The following NEDD4 variants were observed in gnomAD, a reference collection of about 807,000 sequenced individuals.
The protein encoded by NEDD4 is E3 ubiquitin-protein ligase NEDD4.
A neutral mutation model predicts 144.9 loss-of-function variants in NEDD4; 99 were observed. That is an observed-to-expected ratio of 0.68 (90% confidence interval 0.58 to 0.81). The LOEUF is 0.81. Among genes scored for constraint, NEDD4 ranks in the 30% least tolerant of loss-of-function variants. The probability of loss-of-function intolerance (pLI) is 0.00; values close to 1 mark genes in which losing one functional copy is unlikely to be tolerated. For synonymous variants in NEDD4, 318 were observed against 350.6 expected (o/e 0.91, Z 1.04); for missense variants, 985 against 1,065.9 (o/e 0.92, Z 1.06).
chr15:55,855,023 G>A (rs2034136146), intron 12 of NEDD4, among the ~76,000 whole-genome samples: 1 of 152,276 alleles, frequency 6.6e-6, no homozygotes, highest in African/African-American at 2.4e-5. Flanking sequence ...GAGGAGGCTG[G>A]ACAGATGACA....
rs370903517 is a variant in NEDD4, at chr15:55,951,548, C to G, written c.161G>C (p.Gly54Ala). The stretch of plus-strand genomic sequence containing the variant: ...TTTTGTTTGCACACTTGTAAGAACT[C>G]CATTCATTGGGTCATATAACGTCAC... ...VRVTLYDPMN[G>A]VLTSVQTKTI... The change falls in exon 3 of 29, where the codon GGA (glycine) becomes GCA (alanine). Residue 54 changes from glycine to alanine, a missense_variant. Transcript: ENST00000435532. 5.9e-6 allele frequency: 9 copies of G among 1,529,440 alleles called. No homozygotes were observed. In the African/African-American group the frequency reaches 1.3e-4, roughly 21 times the overall value. The allele number at this position is 1,529,440 out of a possible 1,614,324, so 94.7% of individuals were successfully genotyped here. A position where few individuals can be genotyped will look rare whatever the true frequency, so the allele number is the denominator to read the frequency against.
rs1456294485 is a variant in NEDD4 at position 55,970,532 on chromosome 15, C to A, written c.46-3986G>T. Among the ~76,000 whole-genome samples the A allele has an allele frequency of 2.0e-5, 3 of 152,204 alleles. No homozygotes were observed. The South Asian group carries it at 6.2e-4, about 31-fold the overall frequency. ...TGATGGTGGCCACAGGATTGTGTCA[C>A]CCTTCTGCCAACTCCAGGCAGCTCA... is the stretch of plus-strand genomic sequence containing the variant. On this transcript the variant is annotated intron_variant, in intron 1 of 28. Coordinates refer to ENST00000435532, the MANE Select transcript of NEDD4 (RefSeq NM_006154.4).
At chr15:55,984,315 C>A (rs2037855033) in intron 1 of NEDD4, among the ~76,000 whole-genome samples, 1 of 152,168 alleles carries the variant, frequency 6.6e-6, no homozygotes. Flanking sequence ...ATGAATATAA[C>A]ACTTCTCCCT....
At chr15:55,925,774 C>T (rs945511792) in intron 4 of NEDD4, among the ~76,000 whole-genome samples, 22 of 152,156 alleles carry the variant, frequency 1.4e-4, no homozygotes, top group African/African-American at 2.7e-4. Flanking sequence ...GTTTTACCTA[C>T]AGCCACGTTC....
intron 5 of NEDD4, among the ~76,000 whole-genome samples, chr15:55,899,640 C>T (rs2035849552): frequency 1.3e-5 from 2 of 152,154 alleles, no homozygotes; most frequent in African/African-American, 4.8e-5. Context: ...CAGCTTTAGG[C>T]GTTTTCCTCA....
intron 1 of NEDD4, among the ~76,000 whole-genome samples, chr15:55,985,857 T>C (rs1374407788): frequency 1.3e-5 from 2 of 152,084 alleles, no homozygotes; most frequent in African/African-American, 4.8e-5. Context: ...ACCCAAATTG[T>C]AGCATGTAAA....
chr15:55,916,772 T>C, intron 5 of NEDD4: 2 of 1,613,768 alleles, frequency 1.2e-6, no homozygotes, highest in Non-Finnish European at 1.7e-6. Context: ...CGGAGGTTTC[T>C]GACAAAGGGT....
chr15:55,852,314 AAGAAGGTGGT>A (rs1290436770), intron 13 of NEDD4, 100 bp downstream of exon 13: 1 of 1,249,544 alleles, frequency 8.0e-7, no homozygotes, highest in Admixed American at 2.7e-5. Context: ...AAAAAAAAAA[AAGAAGGTGGT>A]AGAAGTATCC....
At chr15:55,837,150 C>A (rs1250774178) in intron 24 of NEDD4, among the ~76,000 whole-genome samples, 1 of 152,070 alleles carries the variant, frequency 6.6e-6, no homozygotes, top group Admixed American at 6.6e-5. Flanking sequence ...AGAAAGTAGG[C>A]CGAGCACGGT....
intron 1 of NEDD4, among the ~76,000 whole-genome samples, chr15:55,988,393 G>A (rs1425715012): frequency 7.7e-6 from 1 of 129,218 alleles, no homozygotes; most frequent in African/African-American, 3.1e-5. Flanking sequence ...GTTAGTGGGT[G>A]CAGCACACCA....
chr15:55,828,275 A>C lies in NEDD4; in HGVS notation c.*1622T>G, dbSNP rs2032783681. The C allele has an allele frequency of 6.6e-6, 1 of 152,200 alleles. No homozygotes were observed. Among genetic ancestry groups the C allele is most frequent in the Non-Finnish European group, 1.5e-5 (1 of 68,044 alleles). The allele number at this position is 152,200 out of a possible 1,614,324, so 9.4% of individuals were successfully genotyped here. ...ACCAAGAACCAGAGGTACTTTTTAC[A>C]GTTCTCACAGGGTGTGTATATATAT... is the stretch of plus-strand genomic sequence containing the variant. On this transcript the variant is annotated 3_prime_UTR_variant, in exon 29 of 29. Transcript: ENST00000435532.
chr15:55,912,081 T>C (rs1278116037), intron 5 of NEDD4, among the ~76,000 whole-genome samples: 8 of 152,230 alleles, frequency 5.3e-5, no homozygotes, highest in African/African-American at 2.4e-5. Context: ...TGTACAAATA[T>C]ACATTTTTCA....
intron 4 of NEDD4, among the ~76,000 whole-genome samples, chr15:55,926,091 C>G (rs1244213761): frequency 6.6e-6 from 1 of 151,634 alleles, no homozygotes; most frequent in Non-Finnish European, 1.5e-5. Flanking sequence ...CATATACATA[C>G]TGTACATGTA....
intron 11 of NEDD4, among the ~76,000 whole-genome samples, chr15:55,859,818 A>G (rs754568256): frequency 7.2e-5 from 11 of 152,046 alleles, no homozygotes; most frequent in Non-Finnish European, 1.0e-4. Flanking sequence ...AATCAAGACC[A>G]CTCTGTAATC....
At chr15:55,862,640 A>G (rs909049003) in intron 9 of NEDD4, among the ~76,000 whole-genome samples, 15 of 152,160 alleles carry the variant, frequency 9.9e-5, no homozygotes, top group African/African-American at 3.6e-4. Flanking sequence ...AAAATCTACC[A>G]TTTGTGGCTA....
intron 5 of NEDD4, among the ~76,000 whole-genome samples, chr15:55,912,431 T>G (rs2036304046): frequency 6.6e-6 from 1 of 151,966 alleles, no homozygotes; most frequent in African/African-American, 2.4e-5. Context: ...TTACATATAA[T>G]GAACAAAAAC....
intron 7 of NEDD4, 132 bp downstream of exon 7, chr15:55,872,283 T>A: frequency 4.1e-6 from 1 of 244,036 alleles, no homozygotes; most frequent in Non-Finnish European, 8.1e-6. Flanking sequence ...AAAATAATAA[T>A]AATAATAATA....
chr15:55,932,860 A>G (rs2036809769), intron 4 of NEDD4, among the ~76,000 whole-genome samples: 1 of 152,232 alleles, frequency 6.6e-6, no homozygotes, highest in Non-Finnish European at 1.5e-5. Context: ...AAAGTGGGCA[A>G]AGGATATGCA....
chr15:55,978,500 G>A (rs1222520018), intron 1 of NEDD4, among the ~76,000 whole-genome samples: 4 of 152,164 alleles, frequency 2.6e-5, no homozygotes, highest in African/African-American at 4.8e-5. Flanking sequence ...CAGCATAAAT[G>A]CTGCAACTAT....
Sources: gnomAD v4.1 joint callset for allele counts (sites outside exome capture counted in the v4.1 genomes callset) on GRCh38, gnomAD v4.1.1 for gene constraint, MANE v1.5 for transcripts, NCBI Gene and HGNC (gene_info 2026-07-23, HGNC 2026-07-21) for gene names.